Variants in NEGR1 observed in about 807,000 individuals in gnomAD.
NEGR1 encodes neuronal growth regulator 1.
A neutral mutation model predicts 40.9 loss-of-function variants in NEGR1; 10 were observed. That is an observed-to-expected ratio of 0.24 (90% confidence interval 0.15 to 0.42). NEGR1 has a LOEUF of 0.42. NEGR1 is among the 10% of genes least tolerant of loss of function. The probability of loss-of-function intolerance (pLI) is 1.00; values close to 1 mark genes in which losing one functional copy is unlikely to be tolerated. For missense variants in NEGR1, 352 were observed against 438.9 expected (o/e 0.80, Z 1.77); for synonymous variants, 185 against 166.8 (o/e 1.11, Z -0.84).
chr1:71,791,327 C>T (rs879564243), intron 2 of NEGR1, among the ~76,000 whole-genome samples: 42 of 151,896 alleles, frequency 2.8e-4, no homozygotes, highest in Non-Finnish European at 5.0e-4. Flanking sequence ...ATTTTACTGT[C>T]GTGTGTTATC....
chr1:71,931,110 A>G (rs538379082), intron 2 of NEGR1, among the ~76,000 whole-genome samples: 77 of 152,280 alleles, frequency 5.1e-4, no homozygotes, highest in Non-Finnish European at 9.3e-4. Context: ...CACCTATTAC[A>G]AATACTCTAG....
At chr1:72,063,675 A>G (rs773484298) in intron 1 of NEGR1, among the ~76,000 whole-genome samples, 9 of 151,916 alleles carry the variant, frequency 5.9e-5, no homozygotes, top group Non-Finnish European at 1.2e-4. Context: ...GACCAGGTGG[A>G]CTTAAATATG....
At chr1:71,521,986 G>T (rs919368927) in intron 6 of NEGR1, among the ~76,000 whole-genome samples, 4 of 151,844 alleles carry the variant, frequency 2.6e-5, no homozygotes, top group African/African-American at 9.7e-5. Flanking sequence ...TTTCTGCTCT[G>T]TCAAATTCAG....
rs1948060 is a variant in NEGR1 at position 72,012,233 on chromosome 1, T to A, written c.177-76922A>T. 9.8e-3 allele frequency among the ~76,000 whole-genome samples: 1,493 copies of A among 152,248 alleles called. 24 individuals are homozygous for A. Among genetic ancestry groups the A allele is most frequent in the African/African-American group, 0.034 (1,433 of 41,540 alleles). ...GATCTTTGTCAACAGTCTGCTTTTA[T>A]AATGACTATATTAGTGTCAAAGCAC... is the stretch of plus-strand genomic sequence containing the variant. On this transcript the variant is annotated intron_variant, in intron 1 of 6. Coordinates refer to ENST00000357731, the MANE Select transcript of NEGR1 (RefSeq NM_173808.3).
At chr1:71,691,627 G>A (rs1653283185) in intron 4 of NEGR1, among the ~76,000 whole-genome samples, 2 of 151,742 alleles carry the variant, frequency 1.3e-5, no homozygotes, top group South Asian at 2.1e-4. Flanking sequence ...CCTCTGAGCA[G>A]TTCTAGCATC....
intron 5 of NEGR1, among the ~76,000 whole-genome samples, chr1:71,598,497 C>G (rs922484998): frequency 7.2e-5 from 11 of 152,224 alleles, no homozygotes; most frequent in Non-Finnish European, 1.6e-4. Flanking sequence ...CTGTGTCTAG[C>G]TTCACATAGT....
chr1:71,796,952 T>C (rs1428828495), intron 2 of NEGR1, among the ~76,000 whole-genome samples: 1 of 152,140 alleles, frequency 6.6e-6, no homozygotes, highest in Admixed American at 6.6e-5. Flanking sequence ...GTAGGGACTA[T>C]GGGTTGGTCA....
intron 1 of NEGR1, among the ~76,000 whole-genome samples, chr1:72,156,525 T>A (rs971126592): frequency 2.0e-5 from 3 of 152,182 alleles, no homozygotes; most frequent in Admixed American, 1.3e-4. Flanking sequence ...GTTGACAGAA[T>A]TGTACTATCT....
intron 2 of NEGR1, among the ~76,000 whole-genome samples, chr1:71,860,882 GT>G (rs905427435): frequency 2.0e-4 from 31 of 151,996 alleles, no homozygotes; most frequent in Non-Finnish European, 2.9e-5. Context: ...AAAAATTGGA[GT>G]TTATTTTTAT....
At chr1:72,096,339 T>C (rs1280056781) in intron 1 of NEGR1, among the ~76,000 whole-genome samples, 1 of 152,138 alleles carries the variant, frequency 6.6e-6, no homozygotes, top group Non-Finnish European at 1.5e-5. Context: ...TATTATTTTA[T>C]TACATAAGAA....
intron 1 of NEGR1, among the ~76,000 whole-genome samples, chr1:72,232,577 C>T (rs1654401607): frequency 6.6e-6 from 1 of 152,056 alleles, no homozygotes; most frequent in Non-Finnish European, 1.5e-5. Flanking sequence ...GCTAAAAAAA[C>T]TATGTTGTGA....
chr1:72,032,062 G>A (rs1646863275), intron 1 of NEGR1, among the ~76,000 whole-genome samples: 1 of 152,118 alleles, frequency 6.6e-6, no homozygotes. Flanking sequence ...AGAAGAGCTA[G>A]AAAATAAACT....
chr1:71,545,583 T>G (rs1647868062), intron 6 of NEGR1, among the ~76,000 whole-genome samples: 1 of 151,878 alleles, frequency 6.6e-6, no homozygotes, highest in East Asian at 2.0e-4. Flanking sequence ...TTGAGACATA[T>G]TCTTAACTCT....
At chr1:71,480,695 C>A (rs1292105440) in intron 6 of NEGR1, among the ~76,000 whole-genome samples, 1 of 151,894 alleles carries the variant, frequency 6.6e-6, no homozygotes, top group African/African-American at 2.4e-5. Flanking sequence ...TCAGAATCCA[C>A]TGACAGAAAA....
chr1:71,605,618 T>A (rs1487528024), intron 5 of NEGR1, among the ~76,000 whole-genome samples: 1 of 152,214 alleles, frequency 6.6e-6, no homozygotes. Flanking sequence ...TAATGATACT[T>A]TGGATGTTCT....
At chr1:71,815,330 G>A (rs906069974) in intron 2 of NEGR1, among the ~76,000 whole-genome samples, 1 of 152,100 alleles carries the variant, frequency 6.6e-6, no homozygotes, top group Non-Finnish European at 1.5e-5. Flanking sequence ...TTCCACTTAT[G>A]TGATTGATTT....
intron 6 of NEGR1, among the ~76,000 whole-genome samples, chr1:71,557,650 A>G (rs2101476165): frequency 6.6e-6 from 1 of 151,658 alleles, no homozygotes. Context: ...GAGTCCCTAT[A>G]TACACTCTAC....
At chr1:71,627,992 G>T (rs1481566472) in intron 4 of NEGR1, among the ~76,000 whole-genome samples, 1 of 152,044 alleles carries the variant, frequency 6.6e-6, no homozygotes, top group Non-Finnish European at 1.5e-5. Flanking sequence ...AGCATGTCAG[G>T]AGGGTGTTAT....
intron 1 of NEGR1, among the ~76,000 whole-genome samples, chr1:71,957,757 T>G (rs1410774234): frequency 1.3e-5 from 2 of 152,212 alleles, no homozygotes; most frequent in Non-Finnish European, 1.5e-5. Flanking sequence ...AATTTTCTGC[T>G]CAGTACCATC....
Sources: allele counts gnomAD v4.1 joint callset (sites outside exome capture counted in the v4.1 genomes callset), GRCh38; gene constraint gnomAD v4.1.1; transcripts MANE v1.5; gene names NCBI Gene and HGNC (gene_info 2026-07-23, HGNC 2026-07-21).